MXD3: variants seen among roughly 807,000 people sequenced by gnomAD.
MXD3 encodes MAX dimerization protein 3, also known as Max-associated protein 3.
Under a neutral mutation model 27.5 loss-of-function variants are expected in MXD3, and 20 were observed. The observed-to-expected ratio is 0.73, with a 90% CI of 0.51 to 1.06. MXD3 has a LOEUF of 1.06. Among genes scored for constraint, MXD3 ranks in the 50% least tolerant of loss-of-function variants. The pLI is 0.00. For synonymous variants in MXD3, 150 were observed against 130.7 expected, an observed-to-expected ratio of 1.15 and a Z score of -1.01; for missense variants, 298 against 291.3, an observed-to-expected ratio of 1.02 and a Z score of -0.17.
chr5:177,309,335 C>T (rs1760978633), intron 4 of MXD3, among the ~76,000 whole-genome samples: 1 of 152,206 alleles, frequency 6.6e-6, no homozygotes, highest in South Asian at 2.1e-4. Context: ...AACAGGAAGG[C>T]TGGGAGGAGG....
chr5:177,306,037 T>C, downstream of MXD3: 1 of 1,600,822 alleles, frequency 6.2e-7, no homozygotes, highest in Non-Finnish European at 8.6e-7. Flanking sequence ...GCTTTCGGTG[T>C]TGGGGCTGGG....
At chr5:177,308,555 T>C (rs897693773) in intron 4 of MXD3, among the ~76,000 whole-genome samples, 8 of 152,040 alleles carry the variant, frequency 5.3e-5, no homozygotes, top group Non-Finnish European at 1.0e-4. Flanking sequence ...GTATTTTTAG[T>C]GGAGACGGGG....
downstream of MXD3, chr5:177,306,102 T>C: frequency 6.2e-7 from 1 of 1,612,194 alleles, no homozygotes; most frequent in Non-Finnish European, 8.5e-7. Context: ...TGCCAGGAAT[T>C]TGGTCTTGCC....
At position 177,310,414 on chromosome 5, in the gene MXD3, G is replaced by C. The variant is rs1761006300; in HGVS notation, c.321+12C>G. ...CAGGGCAAGCCAGTCCGGGCGCAGT[G>C]GGGGGCCTCACCTGGATGTGCATCC... On this transcript the variant is annotated intron_variant, in intron 4 of 5. Transcript: ENST00000439742. 7 of 1,603,950 alleles carry C rather than the reference G, an allele frequency of 4.4e-6. No homozygotes were observed. Among genetic ancestry groups the C allele is most frequent in the Non-Finnish European group, 6.0e-6 (7 of 1,174,694 alleles).
chr5:177,308,676 C>G (rs972179880), intron 4 of MXD3, among the ~76,000 whole-genome samples: 1 of 152,176 alleles, frequency 6.6e-6, no homozygotes, highest in African/African-American at 2.4e-5. Context: ...CCCGGCCCCC[C>G]ATTTCTTTAC....
chr5:177,308,047 A>C, intron 4 of MXD3, 83 bp from the exon 5 acceptor site: 1 of 1,316,638 alleles, frequency 7.6e-7, no homozygotes, highest in Non-Finnish European at 1.0e-6. Context: ...GTACCGGGCC[A>C]CGGCCACAGG....
chr5:177,311,085 C>A, intron 2 of MXD3: 1 of 531,856 alleles, frequency 1.9e-6, no homozygotes, highest in South Asian at 2.7e-5. Context: ...GAGGAGGAAG[C>A]CAGCGGGGGA....
At chr5:177,311,599 C>A (rs1282570695) in intron 1 of MXD3, 115 bp from the exon 2 acceptor site, 9 of 1,140,990 alleles carry the variant, frequency 7.9e-6, no homozygotes, top group Middle Eastern at 2.0e-4. Flanking sequence ...TTTCCCCCAC[C>A]CGTCCCTGCT....
chr5:177,311,686 G>C, intron 1 of MXD3, 75 bp downstream of exon 1: 1 of 1,480,188 alleles, frequency 6.8e-7, no homozygotes, highest in African/African-American at 1.4e-5. Context: ...CATCCTTCAA[G>C]CTGGGAGCCA....
At chr5:177,306,730 G>A, downstream of MXD3, 2 of 1,147,894 alleles carry the variant, frequency 1.7e-6, no homozygotes, top group Non-Finnish European at 2.4e-6. Context: ...CCAAGCACAT[G>A]ATTCATGTCT....
downstream of MXD3, chr5:177,306,639 TTATCATTA>T: frequency 6.5e-7 from 1 of 1,541,376 alleles, no homozygotes; most frequent in Middle Eastern, 1.7e-4. Flanking sequence ...TCATTGTACT[TTATCATTA>T]AAAATCAACT....
Position 177,311,867 on chromosome 5 carries a change from C to A in MXD3, c.-37G>T. The A allele has an allele frequency of 6.3e-7, 1 of 1,599,126 alleles. No individual in the cohort carries two copies. The highest frequency in any genetic ancestry group is 1.1e-5 in the South Asian group (1 of 89,818). The stretch of plus-strand genomic sequence containing the variant: ...CTGGCGGCGGGCCGGCCTAGGGTGC[C>A]GGCCGGAGCAAGCGGCTGCAGCACT... On this transcript the variant is annotated 5_prime_UTR_variant, in exon 1 of 6. Transcript: ENST00000439742.
In MXD3 at chr5:177,307,549, C is replaced by T; in HGVS notation, c.*39G>A. 1 of 1,603,026 alleles carries T rather than the reference C, an allele frequency of 6.2e-7. No individual in the cohort carries two copies. The highest frequency in any genetic ancestry group is 1.1e-5 in the South Asian group (1 of 89,872). On this transcript the variant is annotated 3_prime_UTR_variant, in exon 6 of 6. Coordinates refer to ENST00000439742, the MANE Select transcript of MXD3 (RefSeq NM_031300.4). ...GCTCCTGCCTGGCAAGTGGGCCTGG[C>T]ACGAGTAGAGGGCAGAGGCCCGCCC...
At position 177,310,422 on chromosome 5, in the gene MXD3, T is replaced by C. The variant is rs2127302613; in HGVS notation, c.321+4A>G. ...GCCAGTCCGGGCGCAGTGGGGGGCC[T>C]CACCTGGATGTGCATCCTGGCACGG... On this transcript the variant is annotated splice_donor_region_variant and intron_variant, in intron 4 of 5. Transcript: ENST00000439742. 6 of 1,608,690 alleles carry C rather than the reference T, an allele frequency of 3.7e-6. No homozygotes were observed. The East Asian group carries it at 8.9e-5, about 24-fold the overall frequency.
At chr5:177,305,631 T>C (rs1320785946), downstream of MXD3, 5 of 527,278 alleles carry the variant, frequency 9.5e-6, no homozygotes, top group Non-Finnish European at 1.4e-5. Flanking sequence ...AGGCCCTTTG[T>C]TGATCTCAAG....
chr5:177,310,616 G>A (rs1442921179), intron 3 of MXD3, 52 bp downstream of exon 3: 2 of 1,613,686 alleles, frequency 1.2e-6, no homozygotes, highest in Non-Finnish European at 1.7e-6. Context: ...GGGAAGGCCA[G>A]AGGGCAGTGG....
At chr5:177,306,165 C>T (rs1380895630), downstream of MXD3, 3 of 1,613,770 alleles carry the variant, frequency 1.9e-6, no homozygotes, top group South Asian at 2.2e-5. Flanking sequence ...TATATCTTGG[C>T]TAAGCTGCAA....
rs1359120724 is a variant in MXD3 at position 177,311,491 on chromosome 5, G to C, written c.71-7C>G. ...GCATAACCATGCTCGGCCTCTGCCA[G>C]AGAGAGTCCCCGCCCGCGTCAGGCT... On this transcript the variant is annotated splice_region_variant and splice_polypyrimidine_tract_variant and intron_variant, in intron 1 of 5. Transcript: ENST00000439742. 1 of 1,431,898 alleles carries C rather than the reference G, an allele frequency of 7.0e-7. No individual in the cohort carries two copies. Among genetic ancestry groups the C allele is most frequent in the East Asian group, 2.7e-5 (1 of 36,474 alleles). The allele number at this position is 1,431,898 out of a possible 1,614,324, so 88.7% of individuals were successfully genotyped here.
chr5:177,311,023 G>T (rs577605384), intron 2 of MXD3: 2 of 566,260 alleles, frequency 3.5e-6, no homozygotes, highest in East Asian at 2.9e-5. Flanking sequence ...GGAGGGAGGG[G>T]CATTCAAATA....
Sources: allele counts gnomAD v4.1 joint callset (sites outside exome capture counted in the v4.1 genomes callset), GRCh38; gene constraint gnomAD v4.1.1; transcripts MANE v1.5; gene names NCBI Gene and HGNC (gene_info 2026-07-23, HGNC 2026-07-21).